DDX60: variants seen among roughly 807,000 people sequenced by gnomAD.
DDX60 encodes DExD/H-box helicase 60, also known as probable ATP-dependent RNA helicase DDX60.
In DDX60, 165 loss-of-function variants were observed where a neutral mutation model predicts 212.8. The ratio of observed to expected loss-of-function variants is 0.78; its 90% CI spans 0.68 to 0.88. DDX60 has a LOEUF of 0.88. Ranked by LOEUF, DDX60 falls within the 40% of genes least tolerant of loss-of-function variation. DDX60 has a pLI of 0.00. For synonymous variants in DDX60, 703 were observed against 685.3 expected (o/e 1.03, Z -0.40); for missense variants, 1,905 against 2,003.9 (o/e 0.95, Z 0.94).
rs369469886 is a variant in DDX60, at chr4:168,262,140, A to G, written c.3145-12T>C. On this transcript the variant is annotated splice_polypyrimidine_tract_variant and intron_variant, in intron 23 of 37. Transcript: ENST00000393743. Reference sequence around the variant, plus strand: ...TCTGGGCACAGTTCCTTGAAAACAAATATTACAAAATTAGGCACAATCATG... The same window carrying G: ...TCTGGGCACAGTTCCTTGAAAACAAGTATTACAAAATTAGGCACAATCATG... 27 of 1,570,818 alleles carry G rather than the reference A, an allele frequency of 1.7e-5. No homozygotes were observed. Among genetic ancestry groups the G allele is most frequent in the Non-Finnish European group, 2.2e-5 (26 of 1,167,156 alleles).
At chr4:168,288,104 T>C (rs1735937863) in intron 9 of DDX60, 70 bp downstream of exon 9, 1 of 1,033,218 alleles carries the variant, frequency 9.7e-7, no homozygotes, top group Non-Finnish European at 1.4e-6. Flanking sequence ...AAAAATTATT[T>C]TGTAGTTTTA....
chr4:168,266,095 T>C (rs1448052557), intron 22 of DDX60, among the ~76,000 whole-genome samples: 5 of 152,196 alleles, frequency 3.3e-5, no homozygotes, highest in Non-Finnish European at 7.4e-5. Flanking sequence ...TCAGCCAGCT[T>C]GCTTTTAGAA....
At chr4:168,302,268 C>A in intron 6 of DDX60, 32 bp downstream of exon 6, 1 of 1,231,000 alleles carries the variant, frequency 8.1e-7, no homozygotes, top group Non-Finnish European at 1.1e-6. Flanking sequence ...AAACTTAGTT[C>A]AAATACAAAG....
At chr4:168,224,530 A>AAGGTTAG in intron 34 of DDX60, 145 bp from the exon 35 acceptor site, 1 of 728,326 alleles carries the variant, frequency 1.4e-6, no homozygotes, top group East Asian at 2.7e-5. Flanking sequence ...TATATCGCAT[A>AAGGTTAG]AGGTTAGTAG....
chr4:168,236,245 A>C lies in DDX60; in HGVS notation c.4533+7T>G. The C allele has an allele frequency of 6.2e-7, 1 of 1,607,876 alleles. No individual in the cohort carries two copies. Among genetic ancestry groups the C allele is most frequent in the Non-Finnish European group, 8.5e-7 (1 of 1,177,440 alleles). On this transcript the variant is annotated splice_region_variant and intron_variant, in intron 33 of 37. Coordinates refer to ENST00000393743, the MANE Select transcript of DDX60 (RefSeq NM_017631.6). ...TTACTAAATTTTATCAGAATCACAC[A>C]GTTTACCTTTGATTGATAAAACTCG...
At chr4:168,285,914 A>T in intron 10 of DDX60, among the ~76,000 whole-genome samples, 1 of 54,750 alleles carries the variant, frequency 1.8e-5, no homozygotes, top group Non-Finnish European at 3.7e-5. Context: ...GAAGGAAGGA[A>T]GGAAGGAAGG....
intron 6 of DDX60, among the ~76,000 whole-genome samples, chr4:168,301,378 C>T (rs1411824512): frequency 2.0e-5 from 3 of 151,810 alleles, no homozygotes; most frequent in South Asian, 2.1e-4. Flanking sequence ...AGGGGTGGGG[C>T]AGGGAAAATA....
chr4:168,284,878 G>C lies in DDX60; in HGVS notation c.1503C>G (p.His501Gln). ...VKQKEFDELV[H>Q]WHSHKPLSDD... Reference sequence around the variant, plus strand: ...CACTCAGGGGTTTATGAGAATGCCAGTGCACAAGTTCATCAAATTCCTTTT... The same window carrying C: ...CACTCAGGGGTTTATGAGAATGCCACTGCACAAGTTCATCAAATTCCTTTT... Residue 501 changes from histidine (H) to glutamine (Q), a missense_variant, in exon 12 of 38, where the codon CAC becomes CAG. Transcript: ENST00000393743. 1 of 1,598,402 alleles carries C rather than the reference G, an allele frequency of 6.3e-7. No homozygotes were observed. Among genetic ancestry groups the C allele is most frequent in the Non-Finnish European group, 8.5e-7 (1 of 1,170,230 alleles).
chr4:168,267,055 G>T (rs1270950786), intron 22 of DDX60, among the ~76,000 whole-genome samples: 1 of 152,194 alleles, frequency 6.6e-6, no homozygotes, highest in African/African-American at 2.4e-5. Flanking sequence ...AGAGAACTAT[G>T]CAAGAAAAAG....
the DDX60 span, among the ~76,000 whole-genome samples, chr4:168,325,318 T>TA: frequency 6.6e-6 from 1 of 152,276 alleles, no homozygotes; most frequent in Non-Finnish European, 1.5e-5. Flanking sequence ...AATAGGTTTC[T>TA]ACAAAGCCCA....
chr4:168,308,863 T>C (rs114083915), intron 3 of DDX60, among the ~76,000 whole-genome samples: 1 of 151,938 alleles, frequency 6.6e-6, no homozygotes, highest in Non-Finnish European at 1.5e-5. Context: ...CCTACAAATA[T>C]GAAAAAAATT....
Position 168,216,913 on chromosome 4 carries a change from G to A in DDX60, c.*20C>T, listed in dbSNP as rs369028315. The A allele has an allele frequency of 2.7e-6, 4 of 1,470,570 alleles. No individual in the cohort carries two copies. In the South Asian group the frequency reaches 5.0e-5, roughly 18 times the overall value. The allele number at this position is 1,470,570 out of a possible 1,614,324, so 91.1% of individuals were successfully genotyped here. A position where few individuals can be genotyped will look rare whatever the true frequency, so the allele number is the denominator to read the frequency against. On this transcript the variant is annotated 3_prime_UTR_variant, in exon 38 of 38. Transcript: ENST00000393743. ...AACTACTATGGAATTATTTTTAAGTGGTTTGCATAGACTTTGTTTTTAGAC... is the reference window on the plus strand; with the variant it reads ...AACTACTATGGAATTATTTTTAAGTAGTTTGCATAGACTTTGTTTTTAGAC...
At position 168,216,903 on chromosome 4, in the gene DDX60, A is replaced by G; in HGVS notation, c.*30T>C. The G allele has an allele frequency of 7.1e-7, 1 of 1,403,188 alleles. No homozygotes were observed. The highest frequency in any genetic ancestry group is 9.7e-7 in the Non-Finnish European group (1 of 1,026,188). The allele number at this position is 1,403,188 out of a possible 1,614,324, so 86.9% of individuals were successfully genotyped here. A position where few individuals can be genotyped will look rare whatever the true frequency, so the allele number is the denominator to read the frequency against. On this transcript the variant is annotated 3_prime_UTR_variant, in exon 38 of 38. Coordinates refer to ENST00000393743, the MANE Select transcript of DDX60 (RefSeq NM_017631.6). The stretch of plus-strand genomic sequence containing the variant: ...TGACCTGAAAAACTACTATGGAATT[A>G]TTTTTAAGTGGTTTGCATAGACTTT...
intron 13 of DDX60, among the ~76,000 whole-genome samples, 181 bp from the exon 14 acceptor site, chr4:168,280,771 C>T (rs1378614677): frequency 1.3e-5 from 2 of 152,116 alleles, no homozygotes; most frequent in Non-Finnish European, 1.5e-5. Context: ...TAACTTAAGA[C>T]AATTTAATTT....
intron 33 of DDX60, among the ~76,000 whole-genome samples, chr4:168,232,092 C>G (rs1464356732): frequency 6.6e-6 from 1 of 151,930 alleles, no homozygotes; most frequent in Non-Finnish European, 1.5e-5. Context: ...AGAATCAAAT[C>G]AAGAACTCAG....
intron 25 of DDX60, among the ~76,000 whole-genome samples, chr4:168,259,203 G>A (rs985462126): frequency 6.6e-6 from 1 of 152,112 alleles, no homozygotes; most frequent in South Asian, 2.1e-4. Context: ...AGCCTAAGGT[G>A]GTAGAAGTAA....
Position 168,260,992 on chromosome 4 carries a change from G to A in DDX60, c.3274-3C>T. On this transcript the variant is annotated splice_region_variant and splice_polypyrimidine_tract_variant and intron_variant, in intron 24 of 37. Coordinates refer to ENST00000393743, the MANE Select transcript of DDX60 (RefSeq NM_017631.6). The stretch of plus-strand genomic sequence containing the variant: ...AGATTCTGAAGTACCATTCTGGCCT[G>A]TAGTGGTGAATACAAAACAATTTTA... 5 of 1,600,828 alleles carry A rather than the reference G, an allele frequency of 3.1e-6. No individual in the cohort carries two copies. The highest frequency in any genetic ancestry group is 3.4e-6 in the Non-Finnish European group (4 of 1,176,646).
intron 4 of DDX60, among the ~76,000 whole-genome samples, chr4:168,307,713 G>A (rs1736947113): frequency 6.6e-6 from 1 of 152,110 alleles, no homozygotes; most frequent in African/African-American, 2.4e-5. Flanking sequence ...CTCAGAGCAG[G>A]AGAACTGGAA....
intron 14 of DDX60, among the ~76,000 whole-genome samples, chr4:168,279,612 T>C (rs1001858802): frequency 1.3e-5 from 2 of 152,238 alleles, no homozygotes; most frequent in African/African-American, 4.8e-5. Context: ...TCCTGAGTGA[T>C]ATTCGAGACT....
Sources: gnomAD v4.1 joint callset for allele counts (sites outside exome capture counted in the v4.1 genomes callset) on GRCh38, gnomAD v4.1.1 for gene constraint, MANE v1.5 for transcripts, NCBI Gene and HGNC (gene_info 2026-07-23, HGNC 2026-07-21) for gene names.